AKNA: variants seen among roughly 807,000 people sequenced by gnomAD.
AKNA encodes the protein AT-hook transcription factor, also known as microtubule organization protein AKNA.
In AKNA, 67 loss-of-function variants were observed where a neutral mutation model predicts 138.8. That is an observed-to-expected ratio of 0.48 (90% CI 0.40 to 0.59). The LOEUF (loss-of-function observed/expected upper bound fraction) is 0.59, where lower values mean the gene tolerates loss of function less well. Among genes scored for constraint, AKNA ranks in the 20% least tolerant of loss-of-function variants. AKNA has a pLI of 0.00. For synonymous variants in AKNA, 737 were observed against 754.4 expected (o/e 0.98, Z 0.38); for missense variants, 1,813 against 1,880.4 (o/e 0.96, Z 0.66).
At chr9:114,349,374 C>G (rs534325355) in intron 15 of AKNA, among the ~76,000 whole-genome samples, 3 of 152,336 alleles carry the variant, frequency 2.0e-5, no homozygotes, top group African/African-American at 7.2e-5. Context: ...CTGAGTCACT[C>G]TAGATCCCCT....
chr9:114,350,812 G>T, intron 15 of AKNA, 47 bp downstream of exon 15: 1 of 1,508,800 alleles, frequency 6.6e-7, no homozygotes. Flanking sequence ...TCACGCTCCC[G>T]TCTGTATGAT....
At chr9:114,382,473 C>T (rs957014028) in intron 1 of AKNA, among the ~76,000 whole-genome samples, 8 of 151,738 alleles carry the variant, frequency 5.3e-5, no homozygotes, top group African/African-American at 1.9e-4. Context: ...GTCCCAGCTA[C>T]TCCAGAGGTC....
chr9:114,367,153 A>C (rs1338122403), intron 6 of AKNA, among the ~76,000 whole-genome samples: 1 of 152,200 alleles, frequency 6.6e-6, no homozygotes, highest in East Asian at 1.9e-4. Context: ...TGATTTATTT[A>C]ATAAAATGAA....
upstream of AKNA, among the ~76,000 whole-genome samples, chr9:114,388,565 T>C (rs1373224491): frequency 6.6e-6 from 1 of 152,162 alleles, no homozygotes; most frequent in African/African-American, 2.4e-5. Flanking sequence ...CGGGGCAGCA[T>C]GGAGGTGTGA....
rs750255924 is a variant in AKNA at position 114,381,206 on chromosome 9, T to A, written c.128A>T (p.Glu43Val). The A allele has an allele frequency of 6.2e-7, 1 of 1,614,148 alleles. No individual in the cohort carries two copies. The highest frequency in any genetic ancestry group is 1.1e-5 in the South Asian group (1 of 91,078). ...GGTGGCATTGGGAAAGAGTCTCTCT[T>A]CTTCCCAGCTTTGTGAACTACTTCT... ...VDRSSSQSWE[E>V]ERLFPNATSP... The change falls in exon 2 of 22, where the codon GAA (glutamate) becomes GTA (valine). Residue 43 changes from glutamate (E) to valine (V), a missense_variant. By Grantham distance (121) the Glu-to-Val change is moderately radical. Coordinates refer to ENST00000374088, the MANE Select transcript of AKNA (RefSeq NM_001317950.2).
chr9:114,346,952 G>A (rs1177034278), intron 16 of AKNA, among the ~76,000 whole-genome samples, 168 bp from the exon 17 acceptor site: 2 of 152,160 alleles, frequency 1.3e-5, no homozygotes, highest in African/African-American at 2.4e-5. Context: ...ATGGCTCTGC[G>A]CCTCTCTGAT....
intron 21 of AKNA, among the ~76,000 whole-genome samples, chr9:114,339,891 G>A (rs1054447067): frequency 6.6e-5 from 10 of 152,270 alleles, no homozygotes; most frequent in African/African-American, 2.4e-4. Context: ...GAGGCCAGGA[G>A]GTCAAGACCA....
At chr9:114,333,726 T>C (rs1829900659), downstream of AKNA, among the ~76,000 whole-genome samples, 1 of 141,378 alleles carries the variant, frequency 7.1e-6, no homozygotes, top group African/African-American at 2.7e-5. Flanking sequence ...AAACTTCAAC[T>C]AGTCATAAAA....
At chr9:114,392,086 A>G (rs75753098), upstream of AKNA, among the ~76,000 whole-genome samples, 3 of 142,400 alleles carry the variant, frequency 2.1e-5, no homozygotes, top group East Asian at 6.5e-4. Context: ...AGCCTGGGCA[A>G]CAGAGTAAGA....
intron 1 of AKNA, among the ~76,000 whole-genome samples, chr9:114,386,047 T>C (rs10739409): frequency 0.22 from 32,851 of 152,070 alleles, 4,164 homozygotes; most frequent in Admixed American, 0.31. Flanking sequence ...TCAAAGAGCT[T>C]TGAAGTCCCT....
intron 1 of AKNA, among the ~76,000 whole-genome samples, chr9:114,381,690 T>G (rs1387001400): frequency 1.7e-5 from 2 of 116,674 alleles, no homozygotes; most frequent in Non-Finnish European, 3.3e-5. Flanking sequence ...AGACACAGTC[T>G]CACTCTGTTG....
chr9:114,376,711 G>A lies in AKNA; in HGVS notation c.1096C>T (p.Pro366Ser), dbSNP rs1321175151. Residue 366 changes from proline (P) to serine (S), a missense_variant, in exon 3 of 22, where the codon CCC (proline) becomes TCC (serine). Pro to Ser is a moderately conservative substitution (Grantham distance 74). Coordinates refer to ENST00000374088, the MANE Select transcript of AKNA (RefSeq NM_001317950.2). Reference protein sequence around the residue: ...YPLPDFSKVGPRVRFPKDESY... With the variant: ...YPLPDFSKVGSRVRFPKDESY... ...TCATCTTTGGGGAATCTCACCCGGG[G>A]CCCTACCTTGGAGAAATCAGGGAGT... 1 of 1,612,796 alleles carries A rather than the reference G, an allele frequency of 6.2e-7. No homozygotes were observed. The highest frequency in any genetic ancestry group is 1.7e-5 in the Admixed American group (1 of 59,848).
intron 3 of AKNA, among the ~76,000 whole-genome samples, chr9:114,375,613 A>G (rs1328628208): frequency 6.6e-5 from 10 of 152,152 alleles, no homozygotes; most frequent in Non-Finnish European, 1.5e-4. Flanking sequence ...ACACACTAAC[A>G]CATTTTTAGA....
intron 2 of AKNA, among the ~76,000 whole-genome samples, chr9:114,378,022 C>T (rs974534859): frequency 6.6e-6 from 1 of 152,230 alleles, no homozygotes; most frequent in African/African-American, 2.4e-5. Context: ...TATCCTCACC[C>T]ACATCCCACA....
chr9:114,331,051 A>C (rs1474463373), downstream of AKNA, among the ~76,000 whole-genome samples: 1 of 152,116 alleles, frequency 6.6e-6, no homozygotes, highest in Non-Finnish European at 1.5e-5. Context: ...AGGAAACATA[A>C]GAACAGAGAC....
rs1176230207 is a variant in AKNA at position 114,359,576 on chromosome 9, A to C, written c.2492+18T>G. The C allele has an allele frequency of 6.2e-7, 1 of 1,611,094 alleles. No individual in the cohort carries two copies. The highest frequency in any genetic ancestry group is 1.1e-5 in the South Asian group (1 of 91,084). On this transcript the variant is annotated intron_variant, in intron 11 of 21. Coordinates refer to ENST00000374088, the MANE Select transcript of AKNA (RefSeq NM_001317950.2). ...AGGGTGGAAACAAACATTCTGCAGG[A>C]AAGGCTCAGTGACTTACTCCAGGGG...
At chr9:114,374,028 C>T in intron 4 of AKNA, 65 bp downstream of exon 4, 1 of 1,508,508 alleles carries the variant, frequency 6.6e-7, no homozygotes. Context: ...TTCTCTAGGA[C>T]TATGGAAAAG....
chr9:114,377,370 T>C lies in AKNA; in HGVS notation c.437A>G (p.Tyr146Cys). Reference sequence around the variant, plus strand: ...GCCTTCCAAGCTGAGACCAGCCTCATACCCCAACCTTGAGGAGCTCTCTCC... The same window carrying C: ...GCCTTCCAAGCTGAGACCAGCCTCACACCCCAACCTTGAGGAGCTCTCTCC... ...EAGESSSRLG[Y>C]EAGLSLEGHG... The change falls in exon 3 of 22, where the codon TAT becomes TGT. Residue 146 changes from tyrosine to cysteine, a missense_variant. By Grantham distance (194) the Tyr-to-Cys change is radical. Transcript: ENST00000374088. The C allele has an allele frequency of 6.2e-7, 1 of 1,613,894 alleles. No individual in the cohort carries two copies. Among genetic ancestry groups the C allele is most frequent in the Non-Finnish European group, 8.5e-7 (1 of 1,179,920 alleles).
At chr9:114,345,379 C>G (rs1241306486) in intron 18 of AKNA, 3 of 152,650 alleles carry the variant, frequency 2.0e-5, no homozygotes, top group African/African-American at 7.2e-5. Context: ...CACACCCAAC[C>G]CATATTTTTG....
Sources: allele counts gnomAD v4.1 joint callset (sites outside exome capture counted in the v4.1 genomes callset), GRCh38; gene constraint gnomAD v4.1.1; transcripts MANE v1.5; gene names NCBI Gene and HGNC (gene_info 2026-07-23, HGNC 2026-07-21).